SARDH: variants seen among roughly 807,000 people sequenced by gnomAD.
SARDH encodes the protein sarcosine dehydrogenase, also known as sarcosine dehydrogenase, mitochondrial.
In SARDH, 95 loss-of-function variants were observed where a neutral mutation model predicts 109.1. The observed-to-expected ratio is 0.87, with a 90% CI of 0.74 to 1.03. The LOEUF is 1.03. SARDH is among the 50% of genes least tolerant of loss of function. The probability of loss-of-function intolerance (pLI) is 0.00; values close to 1 mark genes in which losing one functional copy is unlikely to be tolerated. For missense variants in SARDH, 1,267 were observed against 1,287.8 expected (o/e 0.98, Z 0.25); for synonymous variants, 572 against 534.8 (o/e 1.07, Z -0.96).
chr9:133,669,355 G>C (rs9409841), intron 19 of SARDH, among the ~76,000 whole-genome samples: 48,918 of 93,888 alleles, frequency 0.52, 13,762 homozygotes, highest in East Asian at 0.73. Context: ...CCCTCCCCTC[G>C]TCACTCTGAC....
chr9:133,670,449 T>C, intron 19 of SARDH, 135 bp downstream of exon 19: 1 of 948,470 alleles, frequency 1.1e-6, no homozygotes, highest in Admixed American at 2.7e-5. Context: ...GGCTGTTGGG[T>C]GCGTTCTGGA....
chr9:133,727,646 G>A (rs571080497), intron 6 of SARDH, among the ~76,000 whole-genome samples: 1 of 152,066 alleles, frequency 6.6e-6, no homozygotes, highest in Non-Finnish European at 1.5e-5. Flanking sequence ...GAGGGGCTTT[G>A]TGCGAAGCCC....
chr9:133,684,023 C>T lies in SARDH; in HGVS notation c.2163+1170G>A, dbSNP rs554112953. Among the ~76,000 whole-genome samples the T allele has an allele frequency of 2.8e-4, 42 of 151,676 alleles. 1 individual carries two copies. In the South Asian group the frequency reaches 7.9e-3, roughly 28 times the overall value. ...CTCTGAGCTCCATCTGGGTAACATC[C>T]GTCATGCAGGGCGACATCTCCTCCA... On this transcript the variant is annotated intron_variant, in intron 17 of 20. Transcript: ENST00000439388.
intron 6 of SARDH, among the ~76,000 whole-genome samples, chr9:133,727,719 G>GC (rs3216303): frequency 0.29 from 44,389 of 152,134 alleles, 7,490 homozygotes; most frequent in Non-Finnish European, 0.37. Context: ...CTTTTCCTGT[G>GC]CTCCGGTACC....
chr9:133,673,297 C>G (rs1297041288), intron 17 of SARDH, among the ~76,000 whole-genome samples: 2 of 152,254 alleles, frequency 1.3e-5, no homozygotes, highest in African/African-American at 4.8e-5. Context: ...TCAGGCAAAC[C>G]GTTGAACCCA....
intron 17 of SARDH, among the ~76,000 whole-genome samples, chr9:133,679,057 G>A (rs1484921457): frequency 6.6e-6 from 1 of 152,126 alleles, no homozygotes; most frequent in Admixed American, 6.5e-5. Context: ...ACCCGGGTGG[G>A]GGTCGAAGCT....
chr9:133,721,274 G>C (rs1588446275), intron 6 of SARDH, among the ~76,000 whole-genome samples: 2 of 152,148 alleles, frequency 1.3e-5, no homozygotes, highest in Non-Finnish European at 2.9e-5. Flanking sequence ...CATCAACAGG[G>C]GACTGCATCG....
At chr9:133,689,604 C>A (rs929563278) in intron 16 of SARDH, among the ~76,000 whole-genome samples, 1 of 152,148 alleles carries the variant, frequency 6.6e-6, no homozygotes, top group Non-Finnish European at 1.5e-5. Context: ...TCAGTTTCTG[C>A]ATCAGTAAAA....
Position 133,712,104 on chromosome 9 carries a change from A to G in SARDH, c.1328+515T>C, listed in dbSNP as rs868631540. On this transcript the variant is annotated intron_variant, in intron 10 of 20. Transcript: ENST00000439388. The surrounding 1 kb of genome is among the most constrained non-coding windows in gnomAD (Gnocchi z 4.1). ...ACCCCATGCTGGGTGCCTCACCAGT[A>G]CAAATGCCCTCCCTGCTCCCAGAAC... 1.2e-4 allele frequency among the ~76,000 whole-genome samples: 19 copies of G among 152,310 alleles called. No homozygotes were observed. Among genetic ancestry groups the G allele is most frequent in the Middle Eastern group, 3.4e-3 (1 of 292 alleles).
chr9:133,712,550 C>A lies in SARDH; in HGVS notation c.1328+69G>T, dbSNP rs1427178872. 7.2e-7 allele frequency: 1 copy of A among 1,395,960 alleles called. No individual in the cohort carries two copies. Among genetic ancestry groups the A allele is most frequent in the African/African-American group, 1.4e-5 (1 of 70,810 alleles). The allele number at this position is 1,395,960 out of a possible 1,614,324, so 86.5% of individuals were successfully genotyped here. ...AGGCAAGGCTCCTTTCTCAGTAGCC[C>A]TCGCTGTTTACCCCACGCCACCTGT... On this transcript the variant is annotated intron_variant, in intron 10 of 20. Coordinates refer to ENST00000439388, the MANE Select transcript of SARDH (RefSeq NM_001134707.2). The surrounding 1 kb of genome is among the most constrained non-coding windows in gnomAD (Gnocchi z 4.1).
At chr9:133,716,765 T>TCC (rs34168307) in intron 8 of SARDH, among the ~76,000 whole-genome samples, 2 of 151,926 alleles carry the variant, frequency 1.3e-5, no homozygotes, top group Non-Finnish European at 2.9e-5. Flanking sequence ...ACAAGAACCT[T>TCC]CCCCCGCTGA....
Position 133,732,465 on chromosome 9 carries a change from C to T in SARDH, c.468G>A (p.Ala156=), listed in dbSNP as rs778189047. The change falls in exon 3 of 21, where the codon GCG becomes GCA. Residue 156 remains alanine, a synonymous_variant. Transcript: ENST00000439388. ...ACTCGTCCAGGCGCTGCCGGTTGGACGCGATGAAGAGGCCCCCATTCTGGA... is the reference window on the plus strand; with the variant it reads ...ACTCGTCCAGGCGCTGCCGGTTGGATGCGATGAAGAGGCCCCCATTCTGGA... ...GWIQNGGLFI[A]SNRQRLDEYK... 10 of 1,530,016 alleles carry T rather than the reference C, an allele frequency of 6.5e-6. No individual in the cohort carries two copies. In the African/African-American group the frequency reaches 8.4e-5, roughly 13 times the overall value. 94.8% of individuals were successfully genotyped at this position (1,530,016 alleles called of 1,614,324 possible).
downstream of SARDH, among the ~76,000 whole-genome samples, chr9:133,662,307 C>G (rs1479689004): frequency 6.6e-6 from 1 of 152,168 alleles, no homozygotes; most frequent in Non-Finnish European, 1.5e-5. This position sits in a 1 kb window ranked among gnomAD's most constrained non-coding sequence, Gnocchi z 5.1. Context: ...TCAGCCTTCC[C>G]CCAGGGATGG....
intron 17 of SARDH, among the ~76,000 whole-genome samples, chr9:133,672,713 C>T (rs976051808): frequency 2.6e-5 from 4 of 152,248 alleles, no homozygotes; most frequent in Admixed American, 6.5e-5. Flanking sequence ...TCAGCTCGGC[C>T]GTGAGCACAA....
In SARDH at chr9:133,708,427, G is replaced by A. The variant is rs780313172; in HGVS notation, c.1330C>T (p.Arg444Cys). ...TGGTCCGTGAGCGAGTGATGGAAGC[G>A]CCTGCCGCAGACAGGGGGACGGGTC... ...EKDMHGYDIR[R>C]FHHSLTDHPR... Residue 444 changes from arginine to cysteine, a missense_variant and splice_region_variant, in exon 11 of 21, where the codon CGC (arginine) becomes TGC (cysteine). By Grantham distance (180) the Arg-to-Cys change is radical. Coordinates refer to ENST00000439388, the MANE Select transcript of SARDH (RefSeq NM_001134707.2). 9 of 1,608,164 alleles carry A rather than the reference G, an allele frequency of 5.6e-6. No individual in the cohort carries two copies. The highest frequency in any genetic ancestry group is 1.7e-5 in the Admixed American group (1 of 59,714).
chr9:133,723,576 C>G (rs957198158), intron 6 of SARDH, among the ~76,000 whole-genome samples: 1 of 152,112 alleles, frequency 6.6e-6, no homozygotes, highest in Admixed American at 6.5e-5. Flanking sequence ...TCCTTGCTAA[C>G]GTGGTGAAAC....
At position 133,666,950 on chromosome 9, in the gene SARDH, G is replaced by T; in HGVS notation, c.2496-80C>A. 6.4e-7 allele frequency: 1 copy of T among 1,568,232 alleles called. No individual in the cohort carries two copies. On this transcript the variant is annotated intron_variant, in intron 19 of 20. Coordinates refer to ENST00000439388, the MANE Select transcript of SARDH (RefSeq NM_001134707.2). The surrounding 1 kb of genome is among the most constrained non-coding windows in gnomAD (Gnocchi z 5.2). ...GTCCACAGCGGCCTGGAGGAGAATG[G>T]GGGGCTGCATGATGCACACCCAACC...
At chr9:133,701,553 T>A (rs1373708381) in intron 13 of SARDH, among the ~76,000 whole-genome samples, 1 of 152,224 alleles carries the variant, frequency 6.6e-6, no homozygotes, top group African/African-American at 2.4e-5. Flanking sequence ...GGAGGCCGGA[T>A]GAAGCCACAA....
At chr9:133,684,075 C>A (rs923824005) in intron 17 of SARDH, among the ~76,000 whole-genome samples, 3 of 152,238 alleles carry the variant, frequency 2.0e-5, no homozygotes, top group Non-Finnish European at 4.4e-5. Context: ...GCTCTGGAGG[C>A]CCGGCCCCCG....
Sources: allele counts gnomAD v4.1 joint callset (sites outside exome capture counted in the v4.1 genomes callset), GRCh38; gene constraint gnomAD v4.1.1; non-coding constraint Gnocchi (gnomAD v3.1); transcripts MANE v1.5; gene names NCBI Gene and HGNC (gene_info 2026-07-23, HGNC 2026-07-21).